SEPTIN7: variants seen among roughly 807,000 people sequenced by gnomAD.
SEPTIN7 encodes septin 7, also known as septin-7.
A neutral mutation model predicts 63.3 loss-of-function variants in SEPTIN7; 10 were observed. The ratio of observed to expected loss-of-function variants is 0.16; its 90% confidence interval spans 0.10 to 0.27. The LOEUF is 0.27. Among genes scored for constraint, SEPTIN7 ranks in the 10% least tolerant of loss-of-function variants. SEPTIN7 has a pLI of 1.00. For synonymous variants in SEPTIN7, 131 were observed against 165.3 expected (o/e 0.79, Z 1.59); for missense variants, 310 against 521.0 (o/e 0.59, Z 3.94).
chr7:35,823,947 TACTTA>T (rs1217809551), intron 1 of SEPTIN7, among the ~76,000 whole-genome samples: 2 of 152,124 alleles, frequency 1.3e-5, no homozygotes, highest in African/African-American at 4.8e-5. Flanking sequence ...TCTGTGTCCT[TACTTA>T]ACTTTGTCTG....
At chr7:35,824,790 C>G (rs1211398777) in intron 1 of SEPTIN7, among the ~76,000 whole-genome samples, 1 of 152,078 alleles carries the variant, frequency 6.6e-6, no homozygotes, top group Non-Finnish European at 1.5e-5. Context: ...AAAAAGTAAA[C>G]AGGTGAAACT....
intron 3 of SEPTIN7, among the ~76,000 whole-genome samples, chr7:35,853,992 C>A (rs924659185): frequency 6.6e-6 from 1 of 152,070 alleles, no homozygotes; most frequent in African/African-American, 2.4e-5. Context: ...GATTGAGTAT[C>A]CCTAATCCAA....
chr7:35,890,532 C>T, intron 10 of SEPTIN7, 136 bp from the exon 11 acceptor site: 1 of 687,204 alleles, frequency 1.5e-6, no homozygotes, highest in Non-Finnish European at 2.0e-6. Context: ...TGCCACCTTC[C>T]TTAACAATAG....
At chr7:35,842,496 A>G (rs1784457187) in intron 3 of SEPTIN7, among the ~76,000 whole-genome samples, 1 of 152,158 alleles carries the variant, frequency 6.6e-6, no homozygotes, top group Non-Finnish European at 1.5e-5. Flanking sequence ...AATTTTTAGC[A>G]GGGAAGGGGA....
At chr7:35,811,728 A>G (rs1236940384) in intron 1 of SEPTIN7, among the ~76,000 whole-genome samples, 1 of 152,158 alleles carries the variant, frequency 6.6e-6, no homozygotes, top group Non-Finnish European at 1.5e-5. Context: ...TTCTACTAAA[A>G]ATACAAAAAT....
intron 1 of SEPTIN7, chr7:35,803,151 A>C: frequency 2.1e-6 from 2 of 966,738 alleles, no homozygotes; most frequent in Non-Finnish European, 2.5e-6. Context: ...TAGCTTAACA[A>C]TTTTTGTTGC....
At chr7:35,890,538 A>G (rs1346296899) in intron 10 of SEPTIN7, 130 bp from the exon 11 acceptor site, 10 of 733,518 alleles carry the variant, frequency 1.4e-5, no homozygotes, top group Admixed American at 4.2e-5. Flanking sequence ...CTTCCTTAAC[A>G]ATAGTCTTTT....
chr7:35,879,631 G>A, intron 6 of SEPTIN7, 192 bp from the exon 7 acceptor site: 1 of 470,758 alleles, frequency 2.1e-6, no homozygotes, highest in East Asian at 3.5e-5. Context: ...AAGGGCAGGA[G>A]TCAAAGCCTT....
rs1410042280 is a variant in SEPTIN7, at chr7:35,903,059, A to G, written c.1135-17A>G. ...TTTCTTAAATAGTTTTGTTTTATATATTGTGCTATGATTTAGCTCCAGCGG... is the reference window on the plus strand; with the variant it reads ...TTTCTTAAATAGTTTTGTTTTATATGTTGTGCTATGATTTAGCTCCAGCGG... On this transcript the variant is annotated splice_polypyrimidine_tract_variant and intron_variant, in intron 12 of 13. Coordinates refer to ENST00000350320, the MANE Select transcript of SEPTIN7 (RefSeq NM_001788.6). The G allele has an allele frequency of 1.3e-6, 2 of 1,533,442 alleles. No individual in the cohort carries two copies. The highest frequency in any genetic ancestry group is 1.8e-6 in the Non-Finnish European group (2 of 1,142,612). 95.0% of individuals were successfully genotyped at this position (1,533,442 alleles called of 1,614,324 possible).
Position 35,905,132 on chromosome 7 carries a change from A to T in SEPTIN7, c.*839A>T, listed in dbSNP as rs1022790956. The T allele has an allele frequency of 2.4e-4, 37 of 152,628 alleles. No homozygotes were observed. The highest frequency in any genetic ancestry group is 8.2e-4 in the African/African-American group (34 of 41,450). 9.5% of individuals were successfully genotyped at this position (152,628 alleles called of 1,614,324 possible). ...ATTTCTAGGCAAAATTGTGAAGCTA[A>T]TGACCAACCTGTTTCTACCTATATG... On this transcript the variant is annotated 3_prime_UTR_variant, in exon 14 of 14. Coordinates refer to ENST00000350320, the MANE Select transcript of SEPTIN7 (RefSeq NM_001788.6).
intron 1 of SEPTIN7, among the ~76,000 whole-genome samples, chr7:35,808,432 A>T (rs1216456500): frequency 6.6e-6 from 1 of 152,192 alleles, no homozygotes; most frequent in Non-Finnish European, 1.5e-5. Flanking sequence ...GAGCATTCTT[A>T]TTCTTTTATA....
intron 1 of SEPTIN7, among the ~76,000 whole-genome samples, chr7:35,824,905 C>A (rs1336487337): frequency 2.6e-5 from 4 of 152,134 alleles, no homozygotes. Context: ...TATACTAAGT[C>A]TTTAAAATAT....
chr7:35,911,457 C>T (rs185797393), downstream of SEPTIN7, among the ~76,000 whole-genome samples: 87 of 152,090 alleles, frequency 5.7e-4, no homozygotes, highest in Non-Finnish European at 8.1e-4. Flanking sequence ...AAAAAATGAA[C>T]GTACTTGTTT....
At chr7:35,843,466 A>G (rs1396722905) in intron 3 of SEPTIN7, among the ~76,000 whole-genome samples, 1 of 152,154 alleles carries the variant, frequency 6.6e-6, no homozygotes, top group Non-Finnish European at 1.5e-5. Flanking sequence ...TGACTTTTGG[A>G]CTGAATTTTT....
At chr7:35,889,425 T>C (rs1361697753) in intron 10 of SEPTIN7, among the ~76,000 whole-genome samples, 6 of 152,138 alleles carry the variant, frequency 3.9e-5, no homozygotes, top group Non-Finnish European at 8.8e-5. Context: ...CAGTACGAAA[T>C]GAATCAGAGT....
chr7:35,900,482 A>T (rs1788256422), intron 12 of SEPTIN7: 1 of 152,248 alleles, frequency 6.6e-6, no homozygotes, highest in Admixed American at 6.5e-5. Flanking sequence ...AGTTCTTAAC[A>T]TGACATTTTG....
chr7:35,881,036 T>C (rs1307493071), intron 7 of SEPTIN7, among the ~76,000 whole-genome samples: 1 of 152,050 alleles, frequency 6.6e-6, no homozygotes, highest in Non-Finnish European at 1.5e-5. Context: ...ATTGTCCATA[T>C]AGTCCTATTG....
intron 5 of SEPTIN7, among the ~76,000 whole-genome samples, 175 bp from the exon 6 acceptor site, chr7:35,873,466 A>T (rs1246353969): frequency 1.3e-5 from 2 of 152,146 alleles, no homozygotes; most frequent in Non-Finnish European, 2.9e-5. Flanking sequence ...AAAGTTTTGA[A>T]TAATGAATAT....
chr7:35,801,725 A>G (rs1370097736), intron 1 of SEPTIN7, among the ~76,000 whole-genome samples: 1 of 151,242 alleles, frequency 6.6e-6, no homozygotes, highest in East Asian at 2.0e-4. Context: ...GGGCCTGGCT[A>G]GGAGGGTGGG....
Sources: gnomAD v4.1 joint callset for allele counts (sites outside exome capture counted in the v4.1 genomes callset) on GRCh38, gnomAD v4.1.1 for gene constraint, MANE v1.5 for transcripts, NCBI Gene and HGNC (gene_info 2026-07-23, HGNC 2026-07-21) for gene names.